The following TLE4 variants were observed in gnomAD, a reference collection of about 807,000 sequenced individuals.
TLE4 encodes the protein TLE family member 4, transcriptional corepressor.
TLE4 carries 8 observed loss-of-function variants against 92.8 expected under a neutral mutation model. The observed-to-expected ratio is 0.09, with a 90% CI of 0.05 to 0.16. TLE4 has a LOEUF of 0.16. TLE4 is among the 10% of genes least tolerant of loss of function. The pLI, the probability that TLE4 is intolerant of heterozygous loss-of-function variation, is 1.00. For synonymous variants in TLE4, 371 were observed against 374.1 expected (o/e 0.99, Z 0.10); for missense variants, 675 against 997.6 (o/e 0.68, Z 4.36).
chr9:79,600,800 T>C (rs191129395), intron 4 of TLE4, among the ~76,000 whole-genome samples: 2 of 152,288 alleles, frequency 1.3e-5, no homozygotes, highest in Admixed American at 1.3e-4. Flanking sequence ...CACGAACTCG[T>C]CTACACATTG....
At chr9:79,584,484 C>T (rs904359975) in intron 4 of TLE4, among the ~76,000 whole-genome samples, 6 of 152,196 alleles carry the variant, frequency 3.9e-5, no homozygotes, top group African/African-American at 1.4e-4. Context: ...AGATACTTAC[C>T]TGTTTATTTC....
rs780597195 is a variant in TLE4, at chr9:79,718,908, C to T, written c.1527C>T (p.Cys509=). ...TRHVYTGGKG[C]VKVWDISHPG... ...ACGTGTACACGGGTGGGAAGGGCTG[C>T]GTCAAGGTCTGGGACATCAGCCACC... Residue 509 remains cysteine, a synonymous_variant, in exon 15 of 20, where the codon TGC becomes TGT. Coordinates refer to ENST00000376552, the MANE Select transcript of TLE4 (RefSeq NM_007005.6). 1.6e-5 allele frequency: 26 copies of T among 1,614,014 alleles called. No homozygotes were observed. Among genetic ancestry groups the T allele is most frequent in the South Asian group, 7.7e-5 (7 of 91,078 alleles).
intron 4 of TLE4, among the ~76,000 whole-genome samples, chr9:79,606,361 T>TAG (rs2132831099): frequency 7.0e-6 from 1 of 143,522 alleles, no homozygotes; most frequent in East Asian, 2.0e-4. Context: ...TACCTAAGAT[T>TAG]AGTGTGTGTG....
At chr9:79,588,135 C>CGTGTGTGTGTGTGTGTGTGTGTGT (rs71364418) in intron 4 of TLE4, among the ~76,000 whole-genome samples, 284 of 146,806 alleles carry the variant, frequency 1.9e-3, no homozygotes, top group African/African-American at 5.3e-3. Flanking sequence ...TTTATCCTTG[C>CGTGTGTGTGTGTGTGTGTGTGTGT]GTGTGTGTGT....
At chr9:79,708,873 C>T in intron 13 of TLE4, 87 bp downstream of exon 13, 1 of 1,443,320 alleles carries the variant, frequency 6.9e-7, no homozygotes, top group Non-Finnish European at 9.2e-7. Context: ...GCTCTGTCAC[C>T]CAGCCTGGAG....
intron 8 of TLE4, among the ~76,000 whole-genome samples, chr9:79,687,911 A>T (rs766976015): frequency 6.6e-6 from 1 of 152,198 alleles, no homozygotes; most frequent in African/African-American, 2.4e-5. Context: ...AAAGCACACG[A>T]TTCAGTAGGT....
intron 8 of TLE4, among the ~76,000 whole-genome samples, chr9:79,680,711 C>T (rs1479627836): frequency 6.6e-6 from 1 of 152,134 alleles, no homozygotes; most frequent in African/African-American, 2.4e-5. Flanking sequence ...TGCCAGTTTT[C>T]AAAGGGAATG....
intron 4 of TLE4, among the ~76,000 whole-genome samples, chr9:79,586,455 A>G (rs564862884): frequency 2.0e-5 from 3 of 152,162 alleles, no homozygotes; most frequent in African/African-American, 7.2e-5. Context: ...GTGCAAAGGG[A>G]CTATGTAGCA....
chr9:79,606,275 G>T (rs1035783175), intron 4 of TLE4, among the ~76,000 whole-genome samples: 4 of 107,222 alleles, frequency 3.7e-5, no homozygotes, highest in African/African-American at 1.5e-4. Context: ...TTACCAACTT[G>T]CTAGCTATAC....
chr9:79,586,883 A>G (rs570492402), intron 4 of TLE4, among the ~76,000 whole-genome samples: 1 of 152,358 alleles, frequency 6.6e-6, no homozygotes, highest in South Asian at 2.1e-4. Context: ...TGATACCGGC[A>G]TATAGCATAT....
At chr9:79,599,727 T>C (rs555577044) in intron 4 of TLE4, among the ~76,000 whole-genome samples, 2 of 152,376 alleles carry the variant, frequency 1.3e-5, no homozygotes, top group Middle Eastern at 3.4e-3. Flanking sequence ...TATATAATAC[T>C]TGTTAATAAC....
At chr9:79,668,395 C>T (rs867921649) in intron 8 of TLE4, among the ~76,000 whole-genome samples, 2 of 152,218 alleles carry the variant, frequency 1.3e-5, no homozygotes, top group East Asian at 3.9e-4. Flanking sequence ...TGGAGGATGT[C>T]GGAACGTATC....
At chr9:79,696,702 A>G (rs986966349) in intron 8 of TLE4, among the ~76,000 whole-genome samples, 6 of 152,242 alleles carry the variant, frequency 3.9e-5, no homozygotes, top group Non-Finnish European at 2.9e-5. Flanking sequence ...ATAAATGTTA[A>G]TAGTTACTAA....
In TLE4 at chr9:79,713,593, C is replaced by T. The variant is rs78759642; in HGVS notation, c.1340+3894C>T. On this transcript the variant is annotated intron_variant, in intron 14 of 19. Coordinates refer to ENST00000376552, the MANE Select transcript of TLE4 (RefSeq NM_007005.6). The stretch of plus-strand genomic sequence containing the variant: ...GATCTTGGGTGTATGTTACTTGCAC[C>T]ACAAATTCATTATATTCAGAAAGTA... 9.7e-3 allele frequency among the ~76,000 whole-genome samples: 1,470 copies of T among 152,204 alleles called. 32 individuals carry two copies. Among genetic ancestry groups the T allele is most frequent in the African/African-American group, 0.033 (1,382 of 41,500 alleles).
intron 8 of TLE4, among the ~76,000 whole-genome samples, chr9:79,663,238 G>T (rs1296650911): frequency 6.6e-6 from 1 of 152,202 alleles, no homozygotes; most frequent in African/African-American, 2.4e-5. Context: ...AAAGCTTGAA[G>T]AGACAGCTTT....
intron 11 of TLE4, chr9:79,707,166 A>C: frequency 6.2e-7 from 1 of 1,612,988 alleles, no homozygotes. Context: ...CTTAGCGAAG[A>C]TGAACAATGC....
intron 4 of TLE4, among the ~76,000 whole-genome samples, chr9:79,589,395 TC>T (rs2041991848): frequency 6.6e-6 from 1 of 151,990 alleles, no homozygotes; most frequent in Non-Finnish European, 1.5e-5. Flanking sequence ...TATTACATGA[TC>T]CTTTGTAATC....
chr9:79,642,441 T>A (rs1249600939), intron 6 of TLE4, among the ~76,000 whole-genome samples: 3 of 151,774 alleles, frequency 2.0e-5, no homozygotes, highest in East Asian at 3.9e-4. Context: ...TACTTTTTTT[T>A]AAAGTACTCT....
chr9:79,602,263 T>C (rs1320057899), intron 4 of TLE4, among the ~76,000 whole-genome samples: 2 of 152,222 alleles, frequency 1.3e-5, no homozygotes, highest in Non-Finnish European at 2.9e-5. Context: ...CTAAGATCAT[T>C]GATGAAGGTG....
Sources: gnomAD v4.1 joint callset for allele counts (sites outside exome capture counted in the v4.1 genomes callset) on GRCh38, gnomAD v4.1.1 for gene constraint, MANE v1.5 for transcripts, NCBI Gene and HGNC (gene_info 2026-07-23, HGNC 2026-07-21) for gene names.